The following ZNF280C variants were observed in gnomAD, a reference collection of about 807,000 sequenced individuals.
The protein encoded by ZNF280C is zinc finger protein 280C.
A neutral mutation model predicts 53.6 loss-of-function variants in ZNF280C; 14 were observed. The observed-to-expected ratio is 0.26, with a 90% CI of 0.17 to 0.41. The LOEUF (loss-of-function observed/expected upper bound fraction) is 0.41. Among genes scored for constraint, ZNF280C ranks in the 10% least tolerant of loss-of-function variants. The probability of loss-of-function intolerance (pLI) is 1.00; values close to 1 mark genes in which losing one functional copy is unlikely to be tolerated. For synonymous variants in ZNF280C, 203 were observed against 181.1 expected, an observed-to-expected ratio of 1.12 and a Z score of -0.97; for missense variants, 416 against 547.1, an observed-to-expected ratio of 0.76 and a Z score of 2.39.
intron 13 of ZNF280C, 125 bp from the exon 14 acceptor site, chrX:130,216,226 T>A (rs1161876035): frequency 3.5e-6 from 2 of 576,742 alleles, no homozygotes; most frequent in Non-Finnish European, 5.3e-6. Flanking sequence ...ACATTTCCAA[T>A]GGGGCAAAAA....
At chrX:130,251,297 A>AAAAAAAAAAAAAAAAAAAAAAAAAAC (rs2032506174) in intron 2 of ZNF280C, among the ~76,000 whole-genome samples, 1 of 101,169 alleles carries the variant, frequency 9.9e-6, no homozygotes, top group East Asian at 3.0e-4. Context: ...AAAAAAAAAA[A>AAAAAAAAAAAAAAAAAAAAAAAAAAC]AAAAAAAAAA....
At position 130,239,752 on chromosome X, in the gene ZNF280C, A is replaced by G; in HGVS notation, c.382-59T>C. The G allele has an allele frequency of 4.8e-6, 3 of 620,718 alleles. No homozygotes were observed. The East Asian group carries it at 1.1e-4, about 22-fold the overall frequency. 51.2% of individuals were successfully genotyped at this position (620,718 alleles called of 1,213,427 possible). A position where few individuals can be genotyped will look rare whatever the true frequency, so the allele number is the denominator to read the frequency against. On this transcript the variant is annotated intron_variant, in intron 5 of 18. Transcript: ENST00000370978. ...CTTTTATAGAGATAAATTTAGCTGT[A>G]TGTCAATACTATAAAGAATCTTAAT... is the stretch of plus-strand genomic sequence containing the variant.
At chrX:130,232,002 G>A (rs2032282557) in intron 8 of ZNF280C, among the ~76,000 whole-genome samples, 2 of 105,802 alleles carry the variant, frequency 1.9e-5, no homozygotes, top group African/African-American at 6.9e-5. Flanking sequence ...ACTCCAGCCC[G>A]GGTGACAGAG....
intron 12 of ZNF280C, among the ~76,000 whole-genome samples, chrX:130,224,205 G>A (rs998731861): frequency 4.5e-5 from 5 of 111,460 alleles, no homozygotes; most frequent in African/African-American, 1.6e-4. Context: ...TTATAAAAGG[G>A]ACCCTAGAGA....
Position 130,239,839 on chromosome X carries a change from A to G in ZNF280C, c.382-146T>C, listed in dbSNP as rs2032370241. On this transcript the variant is annotated intron_variant, in intron 5 of 18. Coordinates refer to ENST00000370978, the MANE Select transcript of ZNF280C (RefSeq NM_017666.5). ...ATTATTAGTCTCTGCCAAAATTAGC[A>G]TCTACTGGGTGAGGAGTATATGGGA... is the stretch of plus-strand genomic sequence containing the variant. 1.1e-5 allele frequency: 4 copies of G among 355,612 alleles called. No homozygotes were observed. The East Asian group carries it at 1.2e-4, about 11-fold the overall frequency. 29.3% of individuals were successfully genotyped at this position (355,612 alleles called of 1,213,427 possible).
intron 5 of ZNF280C, among the ~76,000 whole-genome samples, chrX:130,240,289 T>C (rs991217621): frequency 9.0e-6 from 1 of 111,547 alleles, no homozygotes; most frequent in Admixed American, 9.5e-5. Flanking sequence ...TATATTAATA[T>C]GGTCCCCTGA....
intron 12 of ZNF280C, among the ~76,000 whole-genome samples, chrX:130,222,330 AC>A (rs1556305654): frequency 1.0e-5 from 1 of 96,377 alleles, no homozygotes; most frequent in African/African-American, 3.8e-5. Context: ...ACACACACAC[AC>A]CCTTCTCTAC....
intron 2 of ZNF280C, among the ~76,000 whole-genome samples, chrX:130,253,440 A>C (rs1333302146): frequency 8.9e-6 from 1 of 112,508 alleles, no homozygotes; most frequent in East Asian, 2.8e-4. Flanking sequence ...GAACCAAAAA[A>C]GGCCTGGATA....
chrX:130,232,308 T>G (rs2032285945), intron 8 of ZNF280C, among the ~76,000 whole-genome samples: 1 of 102,762 alleles, frequency 9.7e-6, no homozygotes, highest in African/African-American at 3.6e-5. Flanking sequence ...CTGATCCTAA[T>G]TGGAATACTT....
chrX:130,257,427 A>G (rs2032587268), intron 2 of ZNF280C, among the ~76,000 whole-genome samples: 1 of 111,509 alleles, frequency 9.0e-6, no homozygotes, highest in Non-Finnish European at 1.9e-5. Context: ...AGATATAACT[A>G]TATTGAGAGA....
Position 130,242,005 on chromosome X carries a change from G to GGGC in ZNF280C, c.381+1557_381+1558insGCC, listed in dbSNP as rs1307893260. Among the ~76,000 whole-genome samples, 4 of 92,995 alleles carry GGGC rather than the reference G, an allele frequency of 4.3e-5. No homozygotes were observed. In the South Asian group the frequency reaches 2.4e-3, roughly 56 times the overall value. The allele number at this position is 92,995 out of a possible 115,157, so 80.8% of individuals were successfully genotyped here. A position where few individuals can be genotyped will look rare whatever the true frequency, so the allele number is the denominator to read the frequency against. ...AATTCCACACTTTGGGAAGCCGGGG[G>GGGC]GGGGCGGGTGGCAGATCACCTGAGG... On this transcript the variant is annotated intron_variant, in intron 5 of 18. Coordinates refer to ENST00000370978, the MANE Select transcript of ZNF280C (RefSeq NM_017666.5).
intron 5 of ZNF280C, among the ~76,000 whole-genome samples, chrX:130,241,127 C>G (rs1474527333): frequency 1.8e-5 from 2 of 111,312 alleles, no homozygotes; most frequent in Non-Finnish European, 3.8e-5. Flanking sequence ...TGTCCTTAAG[C>G]TATATCTTTA....
intron 2 of ZNF280C, among the ~76,000 whole-genome samples, chrX:130,257,446 AG>A (rs2032587647): frequency 9.0e-6 from 1 of 111,665 alleles, no homozygotes; most frequent in South Asian, 3.7e-4. Context: ...GATGCTTAAA[AG>A]GAAGAAAAAG....
At chrX:130,213,798 C>G (rs2032070099) in intron 15 of ZNF280C, among the ~76,000 whole-genome samples, 1 of 111,605 alleles carries the variant, frequency 9.0e-6, no homozygotes, top group African/African-American at 3.3e-5. Context: ...GTAAAGGTAT[C>G]ATAAGGTCAG....
intron 15 of ZNF280C, among the ~76,000 whole-genome samples, chrX:130,213,964 T>G (rs975212073): frequency 8.9e-6 from 1 of 111,954 alleles, no homozygotes; most frequent in African/African-American, 3.2e-5. Flanking sequence ...TGGTTATACC[T>G]ATTTCTTTTT....
intron 10 of ZNF280C, among the ~76,000 whole-genome samples, chrX:130,228,702 T>C (rs1428138516): frequency 7.0e-5 from 7 of 99,899 alleles, no homozygotes; most frequent in African/African-American, 1.9e-4. Context: ...ACAGGTGCAA[T>C]TGATCATAGC....
chrX:130,215,389 G>GA, intron 14 of ZNF280C, 56 bp from the exon 15 acceptor site: 1 of 1,041,933 alleles, frequency 9.6e-7, no homozygotes, highest in Non-Finnish European at 1.3e-6. Flanking sequence ...AATAACAGGG[G>GA]AAAATCTTAT....
intron 1 of ZNF280C, among the ~76,000 whole-genome samples, chrX:130,261,773 C>G (rs1453418607): frequency 9.0e-6 from 1 of 111,595 alleles, no homozygotes; most frequent in Non-Finnish European, 1.9e-5. Flanking sequence ...TTTAAAGTCA[C>G]AATTGCACAG....
In ZNF280C at chrX:130,236,215, T is replaced by G; in HGVS notation, c.770A>C (p.Lys257Thr). Residue 257 changes from lysine to threonine, a missense_variant and splice_region_variant, in exon 8 of 19, where the codon AAG (lysine) becomes ACG (threonine). Around this residue, in one of 3 missense-constraint regions of ZNF280C, gnomAD observed 193 missense variants for 201.4 expected, o/e 0.96. Coordinates refer to ENST00000370978, the MANE Select transcript of ZNF280C (RefSeq NM_017666.5). ...NLLDPLKYHM[K>T]HCCPDMITKF... ...ATTGAACTTTGAAAAAAGTTTTACC[T>G]TCATGTGGTATTTCAAAGGATCCAA... 1.7e-6 allele frequency: 2 copies of G among 1,182,107 alleles called. No homozygotes were observed. Among genetic ancestry groups the G allele is most frequent in the Non-Finnish European group, 2.3e-6 (2 of 877,534 alleles).
Sources: allele counts gnomAD v4.1 joint callset (sites outside exome capture counted in the v4.1 genomes callset), GRCh38; gene constraint gnomAD v4.1.1; regional missense constraint gnomAD v4.1.1; transcripts MANE v1.5; gene names NCBI Gene and HGNC (gene_info 2026-07-23, HGNC 2026-07-21).